SLC14A2: variants seen among roughly 807,000 people sequenced by gnomAD.
SLC14A2 encodes the protein solute carrier family 14 member 2.
A neutral mutation model predicts 104.6 loss-of-function variants in SLC14A2; 91 were observed. The observed-to-expected ratio is 0.87, with a 90% CI of 0.73 to 1.04. The LOEUF (loss-of-function observed/expected upper bound fraction) is 1.04. Ranked by LOEUF, SLC14A2 falls within the 50% of genes least tolerant of loss-of-function variation. SLC14A2 has a pLI of 0.00. For synonymous variants in SLC14A2, 476 were observed against 466.4 expected, an observed-to-expected ratio of 1.02 and a Z score of -0.27; for missense variants, 1,189 against 1,156.0, an observed-to-expected ratio of 1.03 and a Z score of -0.41.
chr18:45,491,657 C>T (rs2043003111), intron 2 of SLC14A2, among the ~76,000 whole-genome samples: 3 of 152,194 alleles, frequency 2.0e-5, no homozygotes, highest in Admixed American at 2.0e-4. Flanking sequence ...AAGCTCCTCA[C>T]CAGCAGCCTC....
chr18:45,677,397 T>C (rs974602762), intron 18 of SLC14A2, among the ~76,000 whole-genome samples: 5 of 152,124 alleles, frequency 3.3e-5, no homozygotes, highest in African/African-American at 1.2e-4. Context: ...TAGTGCTTGG[T>C]TTGCCTCTCT....
intron 1 of SLC14A2, among the ~76,000 whole-genome samples, chr18:45,357,185 C>G (rs957941661): frequency 6.7e-6 from 1 of 149,564 alleles, no homozygotes; most frequent in Non-Finnish European, 1.5e-5. Context: ...AACAGCTTTT[C>G]TCTTCCCACT....
chr18:45,382,142 T>C (rs1308633278), intron 1 of SLC14A2, among the ~76,000 whole-genome samples: 1 of 152,156 alleles, frequency 6.6e-6, no homozygotes, highest in Non-Finnish European at 1.5e-5. Context: ...GGATTTATGG[T>C]TGGCCACTCC....
At chr18:45,390,935 T>G (rs2085954305) in intron 1 of SLC14A2, among the ~76,000 whole-genome samples, 1 of 152,186 alleles carries the variant, frequency 6.6e-6, no homozygotes, top group Admixed American at 6.5e-5. Context: ...ATGTTTTATG[T>G]TTTTTTATTA....
chr18:45,424,976 C>A (rs1199354454), intron 1 of SLC14A2, among the ~76,000 whole-genome samples: 1 of 152,174 alleles, frequency 6.6e-6, no homozygotes, highest in Non-Finnish European at 1.5e-5. Context: ...AAGAGATTTT[C>A]CCTGAGTTTC....
At chr18:45,420,955 G>T (rs557267181) in intron 1 of SLC14A2, among the ~76,000 whole-genome samples, 120 of 152,114 alleles carry the variant, frequency 7.9e-4, no homozygotes, top group African/African-American at 2.8e-3. Flanking sequence ...TGGCCAGAAT[G>T]ATCTCAATCT....
chr18:45,201,044 G>A, the SLC14A2 span, among the ~76,000 whole-genome samples: 4 of 152,076 alleles, frequency 2.6e-5, no homozygotes, highest in Admixed American at 6.5e-5. Context: ...GACCATGACC[G>A]TAACAGTTTT....
chr18:45,220,215 G>A (rs1443223166), intron 1 of SLC14A2, among the ~76,000 whole-genome samples: 1 of 152,160 alleles, frequency 6.6e-6, no homozygotes, highest in African/African-American at 2.4e-5. Flanking sequence ...AATGCCCCTG[G>A]AAGTGTCATC....
chr18:45,448,170 T>C (rs1598833070), intron 1 of SLC14A2, among the ~76,000 whole-genome samples: 4 of 152,236 alleles, frequency 2.6e-5, no homozygotes, highest in Admixed American at 2.0e-4. Context: ...TTTGTTGATT[T>C]GTATATGTTG....
At chr18:45,406,559 G>GT (rs200576784) in intron 1 of SLC14A2, among the ~76,000 whole-genome samples, 1,539 of 151,466 alleles carry the variant, frequency 0.01, 15 homozygotes, top group African/African-American at 0.024. Context: ...TCTCCAGAAG[G>GT]TTTTTTTTTA....
chr18:45,475,048 G>C (rs866232442), intron 1 of SLC14A2, among the ~76,000 whole-genome samples: 1 of 152,042 alleles, frequency 6.6e-6, no homozygotes, highest in African/African-American at 2.4e-5. Flanking sequence ...CACTGCTTTA[G>C]CTGTGTCCCA....
chr18:45,641,881 A>T (rs146325001), intron 8 of SLC14A2, among the ~76,000 whole-genome samples: 11 of 152,334 alleles, frequency 7.2e-5, no homozygotes, highest in African/African-American at 2.6e-4. Flanking sequence ...AACAGAGAAT[A>T]TGCTGCCAGA....
At chr18:45,264,371 A>T (rs1412057517) in intron 1 of SLC14A2, among the ~76,000 whole-genome samples, 1 of 152,248 alleles carries the variant, frequency 6.6e-6, no homozygotes, top group Non-Finnish European at 1.5e-5. Context: ...TATAAGGCAC[A>T]TAAAGTATTT....
intron 2 of SLC14A2, among the ~76,000 whole-genome samples, chr18:45,563,039 A>T (rs2044221769): frequency 6.6e-6 from 1 of 152,246 alleles, no homozygotes; most frequent in East Asian, 1.9e-4. Context: ...AAATGAAAAC[A>T]TTAAATTTTA....
chr18:45,582,687 G>T (rs983939537), intron 2 of SLC14A2, among the ~76,000 whole-genome samples: 1 of 152,158 alleles, frequency 6.6e-6, no homozygotes, highest in Admixed American at 6.5e-5. Context: ...CTGACCATGT[G>T]CTCTCCCACC....
chr18:45,514,215 T>G (rs1173469179), intron 2 of SLC14A2, among the ~76,000 whole-genome samples: 1 of 152,218 alleles, frequency 6.6e-6, no homozygotes, highest in Non-Finnish European at 1.5e-5. Flanking sequence ...TACAGGCTTC[T>G]GCTTCTGGGG....
chr18:45,432,581 G>A (rs942344522), intron 1 of SLC14A2, among the ~76,000 whole-genome samples: 1 of 152,090 alleles, frequency 6.6e-6, no homozygotes, highest in African/African-American at 2.4e-5. Flanking sequence ...CCCAAGAGAA[G>A]TCACCAACTG....
intron 1 of SLC14A2, among the ~76,000 whole-genome samples, chr18:45,324,336 T>A (rs2144245831): frequency 6.6e-6 from 1 of 152,276 alleles, no homozygotes; most frequent in East Asian, 1.9e-4. Flanking sequence ...TCTTCAATCT[T>A]TTTACTCTTT....
At chr18:45,672,793 C>A in intron 16 of SLC14A2, 107 bp from the exon 17 acceptor site, 3 of 927,154 alleles carry the variant, frequency 3.2e-6, no homozygotes, top group South Asian at 1.9e-5. Context: ...CCTGGACATC[C>A]ATTGCAAAAT....
Sources: gnomAD v4.1 joint callset for allele counts (sites outside exome capture counted in the v4.1 genomes callset) on GRCh38, gnomAD v4.1.1 for gene constraint, MANE v1.5 for transcripts, NCBI Gene and HGNC (gene_info 2026-07-23, HGNC 2026-07-21) for gene names.